ADAMTS20: variants seen among roughly 807,000 people sequenced by gnomAD.
The protein encoded by ADAMTS20 is A disintegrin and metalloproteinase with thrombospondin motifs 20.
Under a neutral mutation model 260.1 loss-of-function variants are expected in ADAMTS20, and 225 were observed. That is an observed-to-expected ratio of 0.87 (90% CI 0.78 to 0.97). The LOEUF is 0.97. Among genes scored for constraint, ADAMTS20 ranks in the 50% least tolerant of loss-of-function variants. The pLI, the probability that ADAMTS20 is intolerant of heterozygous loss-of-function variation, is 0.00. For missense variants in ADAMTS20, 2,400 were observed against 2,337.7 expected (o/e 1.03, Z -0.55); for synonymous variants, 802 against 769.5 (o/e 1.04, Z -0.70).
chr12:43,452,745 GCCA>G (rs1941894273), intron 12 of ADAMTS20, 50 bp from the exon 13 acceptor site: 2 of 1,448,862 alleles, frequency 1.4e-6, no homozygotes, highest in Admixed American at 4.6e-5. Flanking sequence ...CATTATTTGT[GCCA>G]CTTACTTCTA....
chr12:43,468,476 A>T, intron 8 of ADAMTS20, 124 bp downstream of exon 8: 1 of 687,930 alleles, frequency 1.5e-6, no homozygotes, highest in East Asian at 2.8e-5. Flanking sequence ...CAGGGAAGAA[A>T]ATTACACTAA....
chr12:43,458,316 C>T (rs1311605853), intron 11 of ADAMTS20, among the ~76,000 whole-genome samples: 2 of 152,212 alleles, frequency 1.3e-5, no homozygotes, highest in Non-Finnish European at 2.9e-5. Flanking sequence ...CTTGAATAGA[C>T]TAGGAAGCAG....
Position 43,419,991 on chromosome 12 carries a change from G to A in ADAMTS20, c.4284+5523C>T, listed in dbSNP as rs554572503. The stretch of plus-strand genomic sequence containing the variant: ...CAAAATATTATTCTTTTATGGTAGG[G>A]AATTAGGACACTGCTTATCTCTTGC... On this transcript the variant is annotated intron_variant, in intron 28 of 38. Transcript: ENST00000389420. 2.0e-5 allele frequency among the ~76,000 whole-genome samples: 3 copies of A among 152,294 alleles called. No homozygotes were observed. The South Asian group carries it at 6.2e-4, about 32-fold the overall frequency.
Position 43,551,338 on chromosome 12 carries a change from C to T in ADAMTS20, c.92-68G>A. ...TCATTGTCCAACTCTAAACTTCTTC[C>T]ACCAAACGTCCCCGCTAAAGGTCCC... On this transcript the variant is annotated intron_variant, in intron 1 of 38. Transcript: ENST00000389420. This position sits in a 1 kb window ranked among gnomAD's most constrained non-coding sequence, Gnocchi z 4.6. 1 of 1,540,680 alleles carries T rather than the reference C, an allele frequency of 6.5e-7. No homozygotes were observed. The highest frequency in any genetic ancestry group is 2.3e-5 in the East Asian group (1 of 43,838).
chr12:43,528,322 A>G (rs1396062260), intron 3 of ADAMTS20, among the ~76,000 whole-genome samples: 1 of 137,694 alleles, frequency 7.3e-6, no homozygotes, highest in Non-Finnish European at 1.5e-5. Flanking sequence ...ACTAAAAAGG[A>G]GACCAACAGC....
chr12:43,501,130 C>T (rs576547741), intron 4 of ADAMTS20, among the ~76,000 whole-genome samples: 7 of 137,364 alleles, frequency 5.1e-5, no homozygotes, highest in Non-Finnish European at 1.1e-4. Flanking sequence ...ACGATCTCGG[C>T]TCACTGCAAC....
intron 3 of ADAMTS20, among the ~76,000 whole-genome samples, chr12:43,513,338 C>T (rs957214275): frequency 6.6e-6 from 1 of 152,142 alleles, no homozygotes; most frequent in East Asian, 1.9e-4. Flanking sequence ...ACACACTTCC[C>T]TTAAAAGCTG....
intron 28 of ADAMTS20, among the ~76,000 whole-genome samples, chr12:43,415,373 C>G (rs1422570081): frequency 6.6e-6 from 1 of 152,058 alleles, no homozygotes; most frequent in Non-Finnish European, 1.5e-5. Flanking sequence ...AAAAAAGCAA[C>G]TCCAGTCCAA....
At chr12:43,407,730 T>C (rs559232506) in intron 28 of ADAMTS20, among the ~76,000 whole-genome samples, 2 of 152,272 alleles carry the variant, frequency 1.3e-5, no homozygotes, top group African/African-American at 4.8e-5. Context: ...ATAATAAGTT[T>C]TGATAAAGAA....
intron 22 of ADAMTS20, 95 bp downstream of exon 22, chr12:43,431,237 C>G: frequency 4.6e-6 from 6 of 1,309,276 alleles, no homozygotes; most frequent in Non-Finnish European, 6.2e-6. Context: ...AGCCAAATTC[C>G]ATTGCATCCA....
chr12:43,478,544 C>A (rs1448742953), intron 7 of ADAMTS20, among the ~76,000 whole-genome samples: 1 of 151,874 alleles, frequency 6.6e-6, no homozygotes, highest in Non-Finnish European at 1.5e-5. Flanking sequence ...ATAGCCCAAG[C>A]AGGATAAATA....
chr12:43,362,471 T>C (rs11182038), intron 37 of ADAMTS20, among the ~76,000 whole-genome samples: 13,905 of 152,100 alleles, frequency 0.091, 759 homozygotes, highest in Middle Eastern at 0.12. Flanking sequence ...GCCTCAAAGA[T>C]TGAATGAGAA....
chr12:43,534,518 C>G lies in ADAMTS20; in HGVS notation c.454-2323G>C, dbSNP rs182320176. 4.6e-5 allele frequency among the ~76,000 whole-genome samples: 7 copies of G among 152,228 alleles called. No homozygotes were observed. In the East Asian group the frequency reaches 1.2e-3, roughly 25 times the overall value. ...TTGCATGTGTGAAATAATATACTTA[C>G]AAGGTTATTAACCATAACATTGTTT... On this transcript the variant is annotated intron_variant, in intron 2 of 38. Coordinates refer to ENST00000389420, the MANE Select transcript of ADAMTS20 (RefSeq NM_025003.5).
chr12:43,384,545 C>T (rs1446072672), intron 29 of ADAMTS20, among the ~76,000 whole-genome samples: 2 of 152,060 alleles, frequency 1.3e-5, no homozygotes, highest in African/African-American at 4.8e-5. Context: ...TGGTGGTTTG[C>T]TGCAACCATC....
intron 16 of ADAMTS20, among the ~76,000 whole-genome samples, chr12:43,441,129 C>T (rs1025994777): frequency 6.6e-6 from 1 of 151,734 alleles, no homozygotes; most frequent in Non-Finnish European, 1.5e-5. Flanking sequence ...AATGACTATG[C>T]CATTCTCTAT....
Position 43,377,361 on chromosome 12 carries a change from C to T in ADAMTS20, c.4995+4G>A, listed in dbSNP as rs747395608. The T allele has an allele frequency of 2.5e-5, 40 of 1,606,078 alleles. No individual in the cohort carries two copies. The highest frequency in any genetic ancestry group is 1.3e-4 in the Admixed American group (8 of 59,282). On this transcript the variant is annotated splice_donor_region_variant and intron_variant, in intron 32 of 38. Transcript: ENST00000389420. ...AGTTTTAAAATTCATAATTGTACACCGACCTTGCTCCATTTTCCAACTTTC... is the reference window on the plus strand; with the variant it reads ...AGTTTTAAAATTCATAATTGTACACTGACCTTGCTCCATTTTCCAACTTTC...
At chr12:43,468,834 T>A in intron 7 of ADAMTS20, 129 bp from the exon 8 acceptor site, 1 of 538,354 alleles carries the variant, frequency 1.9e-6, no homozygotes, top group South Asian at 2.7e-5. Flanking sequence ...CTGTTAATAT[T>A]GAATAAACGT....
intron 36 of ADAMTS20, among the ~76,000 whole-genome samples, chr12:43,374,672 G>C (rs1235332384): frequency 6.6e-6 from 1 of 152,056 alleles, no homozygotes; most frequent in Non-Finnish European, 1.5e-5. Flanking sequence ...GTGTTAAAAA[G>C]GTCAAATGAG....
At chr12:43,380,525 G>T (rs1940326312) in intron 31 of ADAMTS20, among the ~76,000 whole-genome samples, 1 of 152,050 alleles carries the variant, frequency 6.6e-6, no homozygotes, top group South Asian at 2.1e-4. Context: ...GATATTGTAA[G>T]TAGAAAATCC....
Sources: allele counts gnomAD v4.1 joint callset (sites outside exome capture counted in the v4.1 genomes callset), GRCh38; gene constraint gnomAD v4.1.1; non-coding constraint Gnocchi (gnomAD v3.1); transcripts MANE v1.5; gene names NCBI Gene and HGNC (gene_info 2026-07-23, HGNC 2026-07-21).